The following PIAS4 variants were observed in gnomAD, a reference collection of about 807,000 sequenced individuals.
PIAS4 encodes protein inhibitor of activated STAT 4.
In PIAS4, 7 loss-of-function variants were observed where a neutral mutation model predicts 58.0. The observed-to-expected ratio is 0.12, with a 90% CI of 0.07 to 0.23. The LOEUF is 0.23. Among genes scored for constraint, PIAS4 ranks in the 10% least tolerant of loss-of-function variants. The pLI is 1.00. For synonymous variants in PIAS4, 364 were observed against 312.4 expected, an observed-to-expected ratio of 1.17 and a Z score of -1.74; for missense variants, 550 against 709.5, an observed-to-expected ratio of 0.78 and a Z score of 2.55.
At position 4,038,107 on chromosome 19, in the gene PIAS4, G is replaced by C; in HGVS notation, c.*232G>C. On this transcript the variant is annotated 3_prime_UTR_variant, in exon 11 of 11. Coordinates refer to ENST00000262971, the MANE Select transcript of PIAS4 (RefSeq NM_015897.4). The surrounding 1 kb of genome is among the most constrained non-coding windows in gnomAD (Gnocchi z 4.1). ...CAAAAAAGAAAAATGAAACAAAAAA[G>C]TCAAACTCTTAAAAACAAGGCCGGC... 1.9e-6 allele frequency: 1 copy of C among 526,908 alleles called. No homozygotes were observed. The allele number at this position is 526,908 out of a possible 1,614,324, so 32.6% of individuals were successfully genotyped here.
intron 7 of PIAS4, among the ~76,000 whole-genome samples, chr19:4,031,945 C>G (rs572821906): frequency 6.2e-4 from 95 of 152,274 alleles, no homozygotes; most frequent in Non-Finnish European, 1.1e-3. Context: ...AGCTGGGATC[C>G]AAGGATGGAA....
At chr19:4,016,807 G>GC (rs2040057246) in intron 2 of PIAS4, among the ~76,000 whole-genome samples, 3 of 152,180 alleles carry the variant, frequency 2.0e-5, no homozygotes, top group Non-Finnish European at 4.4e-5. Flanking sequence ...AGTTCATTGT[G>GC]GCCAGAACAT....
At chr19:4,010,636 C>T (rs926185844) in intron 1 of PIAS4, among the ~76,000 whole-genome samples, 4 of 152,340 alleles carry the variant, frequency 2.6e-5, no homozygotes, top group Admixed American at 2.0e-4. Flanking sequence ...CGGGAACACC[C>T]TTGGGAGGCC....
At chr19:4,035,922 A>C (rs1210711752) in intron 9 of PIAS4, among the ~76,000 whole-genome samples, 6 of 7,382 alleles carry the variant, frequency 8.1e-4, no homozygotes, top group Admixed American at 1.9e-3. Flanking sequence ...TCACACACAC[A>C]CCTGCACACA....
chr19:4,017,133 G>A (rs566595184), intron 2 of PIAS4, among the ~76,000 whole-genome samples: 11 of 152,286 alleles, frequency 7.2e-5, no homozygotes, highest in Non-Finnish European at 1.0e-4. Context: ...CACTCAGCCC[G>A]CTGGCACTTC....
At position 4,036,377 on chromosome 19, in the gene PIAS4, C is replaced by T. The variant is rs2040286097; in HGVS notation, c.1143-997C>T. ...CACACATCTATACAGTCCACACCGT[C>T]ATACACACACACGTCTATACAGTCC... On this transcript the variant is annotated intron_variant, in intron 9 of 10. Coordinates refer to ENST00000262971, the MANE Select transcript of PIAS4 (RefSeq NM_015897.4). Among the ~76,000 whole-genome samples, 3 of 131,078 alleles carry T rather than the reference C, an allele frequency of 2.3e-5. 1 individual carries two copies. The highest frequency in any genetic ancestry group is 5.2e-5 in the Non-Finnish European group (3 of 57,672). The allele number at this position is 131,078 out of a possible 152,430, so 86.0% of individuals were successfully genotyped here.
At chr19:4,033,364 C>T (rs191982299) in intron 8 of PIAS4, 56 bp from the exon 9 acceptor site, 15 of 1,494,862 alleles carry the variant, frequency 1.0e-5, no homozygotes, top group African/African-American at 8.3e-5. Flanking sequence ...TGAGGGGCAC[C>T]GGGCAGGCGG....
chr19:4,012,163 C>A (rs2040002069), intron 1 of PIAS4, among the ~76,000 whole-genome samples: 1 of 151,860 alleles, frequency 6.6e-6, no homozygotes, highest in African/African-American at 2.4e-5. Context: ...AGGAGAAACC[C>A]TGCCTGGGAT....
chr19:4,033,674 C>G, intron 9 of PIAS4, 94 bp downstream of exon 9: 2 of 1,066,356 alleles, frequency 1.9e-6, no homozygotes, highest in South Asian at 1.5e-5. Flanking sequence ...GGTGCCCCAG[C>G]AAGACACAGC....
At chr19:4,011,690 T>G (rs35715368) in intron 1 of PIAS4, among the ~76,000 whole-genome samples, 7,147 of 105,122 alleles carry the variant, frequency 0.068, 283 homozygotes, top group Non-Finnish European at 0.1. Flanking sequence ...TGGAGGTGTG[T>G]GGGGTGTGGA....
At chr19:4,008,369 A>G (rs1368677540) in intron 1 of PIAS4, among the ~76,000 whole-genome samples, 2 of 151,610 alleles carry the variant, frequency 1.3e-5, no homozygotes, top group Non-Finnish European at 2.9e-5. Flanking sequence ...CCCTGAGACC[A>G]CCCCCAAGAC....
chr19:4,034,168 C>G (rs1008578688), intron 9 of PIAS4, among the ~76,000 whole-genome samples: 1 of 152,202 alleles, frequency 6.6e-6, no homozygotes, highest in Non-Finnish European at 1.5e-5. Flanking sequence ...GGCTCCTGCC[C>G]GGCGCCGACC....
intron 2 of PIAS4, among the ~76,000 whole-genome samples, chr19:4,022,793 C>T (rs768707439): frequency 4.6e-5 from 7 of 151,954 alleles, no homozygotes; most frequent in Non-Finnish European, 7.4e-5. Context: ...CTGCCTCAGC[C>T]TCCCAAGTAG....
intron 2 of PIAS4, among the ~76,000 whole-genome samples, chr19:4,014,212 C>G (rs1296072864): frequency 6.6e-6 from 1 of 152,152 alleles, no homozygotes. Context: ...TTCTCTCTCT[C>G]GTGTCTTTGT....
At position 4,037,360 on chromosome 19, in the gene PIAS4, C is replaced by G; in HGVS notation, c.1143-14C>G. 6.3e-7 allele frequency: 1 copy of G among 1,594,250 alleles called. No individual in the cohort carries two copies. Among genetic ancestry groups the G allele is most frequent in the Non-Finnish European group, 8.6e-7 (1 of 1,167,648 alleles). On this transcript the variant is annotated splice_polypyrimidine_tract_variant and intron_variant, in intron 9 of 10. Coordinates refer to ENST00000262971, the MANE Select transcript of PIAS4 (RefSeq NM_015897.4). This position sits in a 1 kb window ranked among gnomAD's most constrained non-coding sequence, Gnocchi z 5.8. The stretch of plus-strand genomic sequence containing the variant: ...CACCTCCAGCCCCGGCGTCAGCTGT[C>G]CGCCTCGCCCCAGGCTCCTCTCGAA...
At chr19:4,008,050 C>T (rs897910270) in intron 1 of PIAS4, among the ~76,000 whole-genome samples, 6 of 151,728 alleles carry the variant, frequency 4.0e-5, no homozygotes, top group Non-Finnish European at 7.4e-5. Context: ...CCACCCAGCC[C>T]GAGCCCTTAG....
chr19:4,032,987 CGTCAGGG>C, intron 7 of PIAS4, 106 bp from the exon 8 acceptor site: 1 of 830,632 alleles, frequency 1.2e-6, no homozygotes, highest in Non-Finnish European at 2.0e-6. Context: ...TGGGACTCAT[CGTCAGGG>C]GCCTGTTCTG....
chr19:4,012,606 A>G (rs1213923873), intron 1 of PIAS4, among the ~76,000 whole-genome samples: 6 of 152,172 alleles, frequency 3.9e-5, no homozygotes, highest in African/African-American at 1.4e-4. Flanking sequence ...GTAAAGCACA[A>G]TTGTCAGTTC....
At chr19:4,028,226 CCAGCCA>C in intron 4 of PIAS4, 39 bp downstream of exon 4, 4 of 1,581,546 alleles carry the variant, frequency 2.5e-6, no homozygotes, top group African/African-American at 1.3e-5. Flanking sequence ...GGCTGGACCC[CCAGCCA>C]CCCGCCCCTC....
Sources: allele counts gnomAD v4.1 joint callset (sites outside exome capture counted in the v4.1 genomes callset), GRCh38; gene constraint gnomAD v4.1.1; non-coding constraint Gnocchi (gnomAD v3.1); transcripts MANE v1.5; gene names NCBI Gene and HGNC (gene_info 2026-07-23, HGNC 2026-07-21).